The following DLGAP2 variants were observed in gnomAD, a reference collection of about 807,000 sequenced individuals.
DLGAP2 encodes the protein disks large-associated protein 2.
DLGAP2 carries 26 observed loss-of-function variants against 100.3 expected under a neutral mutation model. The observed-to-expected ratio is 0.26, with a 90% CI of 0.19 to 0.36. DLGAP2 has a LOEUF of 0.36. DLGAP2 is among the 10% of genes least tolerant of loss of function. The probability of loss-of-function intolerance (pLI) is 1.00; values close to 1 mark genes in which losing one functional copy is unlikely to be tolerated. For synonymous variants in DLGAP2, 886 were observed against 630.1 expected, an observed-to-expected ratio of 1.41 and a Z score of -6.08; for missense variants, 1,858 against 1,453.2, an observed-to-expected ratio of 1.28 and a Z score of -4.53.
rs181243731 is a variant in DLGAP2 at position 1,009,429 on chromosome 8, A to T, written c.73+101463A>T. On this transcript the variant is annotated intron_variant, in intron 2 of 14. Coordinates refer to ENST00000637795, the MANE Select transcript of DLGAP2 (RefSeq NM_001346810.2). ...GGAGATTCTAAATATTGAGAATTAG[A>T]TTGTTATTCAGAGTTAATACCCTAG... Among the ~76,000 whole-genome samples the T allele has an allele frequency of 2.1e-3, 317 of 152,300 alleles. 1 individual carries two copies. Among genetic ancestry groups the T allele is most frequent in the Non-Finnish European group, 2.7e-3 (184 of 68,016 alleles).
chr8:929,102 C>T (rs181038165), intron 2 of DLGAP2, among the ~76,000 whole-genome samples: 1 of 6,520 alleles, frequency 1.5e-4, no homozygotes, highest in Non-Finnish European at 3.2e-4. Context: ...CCAGACCCCC[C>T]GCCATTCCCC....
chr8:1,691,695 ATT>A, intron 13 of DLGAP2, 69 bp downstream of exon 13: 3 of 1,314,794 alleles, frequency 2.3e-6, no homozygotes, highest in Middle Eastern at 1.8e-4. Flanking sequence ...ACAGATTCTC[ATT>A]GTTTTCTTCC....
chr8:793,114 G>A (rs1795952302), intron 1 of DLGAP2, among the ~76,000 whole-genome samples: 1 of 152,120 alleles, frequency 6.6e-6, no homozygotes. Context: ...CTTCTCCCAT[G>A]CCTTCCTTGT....
chr8:1,271,401 C>T (rs1250275365), intron 3 of DLGAP2, among the ~76,000 whole-genome samples: 2 of 152,268 alleles, frequency 1.3e-5, no homozygotes, highest in South Asian at 4.1e-4. Flanking sequence ...TTCTGTTTTA[C>T]TTTTATTCTG....
chr8:1,196,003 G>C (rs148062171), intron 2 of DLGAP2, among the ~76,000 whole-genome samples: 2 of 152,322 alleles, frequency 1.3e-5, no homozygotes, highest in Middle Eastern at 3.4e-3. Flanking sequence ...GCTCACGTTC[G>C]TGAGCAGAGT....
chr8:1,603,053 C>A (rs1290031555), intron 6 of DLGAP2, among the ~76,000 whole-genome samples: 2 of 149,438 alleles, frequency 1.3e-5, no homozygotes, highest in African/African-American at 5.0e-5. Flanking sequence ...CTGAGTTCTG[C>A]AGAGCTTGGT....
intron 1 of DLGAP2, among the ~76,000 whole-genome samples, chr8:817,541 T>C (rs1470006840): frequency 6.6e-6 from 1 of 152,170 alleles, no homozygotes; most frequent in Admixed American, 6.5e-5. Context: ...AATAACCTTG[T>C]TTTATCCTGT....
intron 3 of DLGAP2, among the ~76,000 whole-genome samples, chr8:1,428,515 A>C (rs895200732): frequency 9.9e-5 from 15 of 152,218 alleles, no homozygotes; most frequent in Admixed American, 2.6e-4. Context: ...CTTGGTAACA[A>C]AACAGGCCAA....
At chr8:1,514,446 A>T (rs1800289879) in intron 4 of DLGAP2, among the ~76,000 whole-genome samples, 1 of 152,274 alleles carries the variant, frequency 6.6e-6, no homozygotes, top group Non-Finnish European at 1.5e-5. Flanking sequence ...TATAAAATTC[A>T]GCTACTGTAT....
chr8:886,988 G>T (rs1483779639), intron 1 of DLGAP2, among the ~76,000 whole-genome samples: 1 of 152,104 alleles, frequency 6.6e-6, no homozygotes, highest in African/African-American at 2.4e-5. Flanking sequence ...TCCCACTATT[G>T]TTGTGTGGGA....
chr8:1,043,327 ATGGGTGTGGGTGG>A (rs1425032039), intron 2 of DLGAP2, among the ~76,000 whole-genome samples: 4 of 9,322 alleles, frequency 4.3e-4, no homozygotes, highest in East Asian at 3.0e-3. Flanking sequence ...GACGTGGGTG[ATGGGTGTGGGTGG>A]TGGGTGTGGG....
intron 2 of DLGAP2, among the ~76,000 whole-genome samples, chr8:1,000,280 C>G (rs564040532): frequency 5.2e-4 from 78 of 150,904 alleles, no homozygotes; most frequent in African/African-American, 1.8e-3. Context: ...GCGGACAGAT[C>G]CGGGTGGGGG....
intron 2 of DLGAP2, among the ~76,000 whole-genome samples, chr8:1,205,081 C>T (rs1046047006): frequency 1.3e-5 from 2 of 152,156 alleles, no homozygotes; most frequent in African/African-American, 2.4e-5. Flanking sequence ...GGTTGGGTTT[C>T]CTGTGTTTCC....
chr8:1,665,136 C>A (rs1029083892), intron 8 of DLGAP2, among the ~76,000 whole-genome samples: 3 of 152,152 alleles, frequency 2.0e-5, no homozygotes, highest in African/African-American at 7.2e-5. Context: ...GGAGATAAGT[C>A]ATAAGCTGCC....
In DLGAP2 at chr8:1,296,772, G is replaced by A. The variant is rs188358344; in HGVS notation, c.106+37889G>A. ...AAACGTGGTAAGTGAGTCCCTGAAC[G>A]TGCCACTGATGTGCAGATGGTGTGG... On this transcript the variant is annotated intron_variant, in intron 3 of 14. Coordinates refer to ENST00000637795, the MANE Select transcript of DLGAP2 (RefSeq NM_001346810.2). Among the ~76,000 whole-genome samples the A allele has an allele frequency of 9.9e-5, 15 of 152,276 alleles. 1 individual carries two copies. The highest frequency in any genetic ancestry group is 4.1e-4 in the South Asian group (2 of 4,822).
intron 8 of DLGAP2, among the ~76,000 whole-genome samples, chr8:1,663,615 C>T (rs1044946157): frequency 6.6e-6 from 1 of 152,060 alleles, no homozygotes; most frequent in Non-Finnish European, 1.5e-5. Flanking sequence ...ACCGAGAAGC[C>T]CCCCTTTCCC....
chr8:1,046,970 T>TA (rs397777811), intron 2 of DLGAP2, among the ~76,000 whole-genome samples: 21 of 150,892 alleles, frequency 1.4e-4, no homozygotes, highest in South Asian at 4.2e-4. Flanking sequence ...AGGTTTTTTT[T>TA]AATAATACAG....
chr8:1,243,186 C>T (rs1419222017), intron 2 of DLGAP2, among the ~76,000 whole-genome samples: 2 of 152,196 alleles, frequency 1.3e-5, no homozygotes, highest in East Asian at 3.9e-4. Flanking sequence ...ATTAAGTGGA[C>T]ACACCAGGGG....
At chr8:860,398 G>C (rs1254957795) in intron 1 of DLGAP2, among the ~76,000 whole-genome samples, 1 of 152,196 alleles carries the variant, frequency 6.6e-6, no homozygotes, top group African/African-American at 2.4e-5. Context: ...ACAGCCCTGG[G>C]CTCCAGAAAC....
Sources: gnomAD v4.1 joint callset for allele counts (sites outside exome capture counted in the v4.1 genomes callset) on GRCh38, gnomAD v4.1.1 for gene constraint, MANE v1.5 for transcripts, NCBI Gene and HGNC (gene_info 2026-07-23, HGNC 2026-07-21) for gene names.